Variants in CERT1 observed in about 807,000 individuals in gnomAD.
CERT1 encodes the protein ceramide transfer protein.
A neutral mutation model predicts 87.9 loss-of-function variants in CERT1; 31 were observed. The observed-to-expected ratio is 0.35, with a 90% CI of 0.27 to 0.48. CERT1 has a LOEUF of 0.48. Among genes scored for constraint, CERT1 ranks in the 20% least tolerant of loss-of-function variants. The probability of loss-of-function intolerance (pLI) is 0.99; values close to 1 mark genes in which losing one functional copy is unlikely to be tolerated. For missense variants in CERT1, 487 were observed against 758.0 expected, an observed-to-expected ratio of 0.64 and a Z score of 4.20; for synonymous variants, 289 against 250.9, an observed-to-expected ratio of 1.15 and a Z score of -1.44.
intron 2 of CERT1, among the ~76,000 whole-genome samples, chr5:75,471,003 A>C (rs890502863): frequency 2.0e-5 from 3 of 152,202 alleles, no homozygotes; most frequent in Non-Finnish European, 4.4e-5. Context: ...ACAAAAAGAA[A>C]ATAAAATACT....
At chr5:75,471,687 C>T (rs1765716137) in intron 2 of CERT1, among the ~76,000 whole-genome samples, 2 of 140,762 alleles carry the variant, frequency 1.4e-5, no homozygotes, top group Non-Finnish European at 3.0e-5. Context: ...ACCTGGGAGG[C>T]AGAGGTTGCA....
intron 13 of CERT1, among the ~76,000 whole-genome samples, chr5:75,385,460 C>T (rs1040655137): frequency 2.0e-5 from 3 of 152,140 alleles, no homozygotes; most frequent in South Asian, 2.1e-4. Flanking sequence ...GTGACAAGAG[C>T]GAAACTCTGT....
intron 3 of CERT1, among the ~76,000 whole-genome samples, chr5:75,451,845 A>G (rs1333706280): frequency 1.3e-5 from 2 of 152,202 alleles, no homozygotes; most frequent in African/African-American, 4.8e-5. Context: ...GAAAAAACAC[A>G]GCAAATCAAA....
chr5:75,429,946 A>C (rs1024085510), intron 3 of CERT1, among the ~76,000 whole-genome samples: 6 of 152,132 alleles, frequency 3.9e-5, no homozygotes, highest in African/African-American at 9.7e-5. Context: ...CTGAAGGTAC[A>C]ACAGTAACAA....
chr5:75,417,160 T>A, intron 6 of CERT1, 127 bp from the exon 7 acceptor site: 1 of 668,042 alleles, frequency 1.5e-6, no homozygotes, highest in Non-Finnish European at 2.5e-6. Flanking sequence ...TTTCCTCCTG[T>A]AGGCCAACAT....
chr5:75,474,429 G>A lies in CERT1; in HGVS notation c.232-15248C>T, dbSNP rs530512094. On this transcript the variant is annotated intron_variant, in intron 2 of 16. Coordinates refer to ENST00000643780, the MANE Select transcript of CERT1 (RefSeq NM_001379029.1). ...TACAGTTACAGTTTGGTGAAATAAA[G>A]TTGTAATGAAAATACCTGACAGTAG... Among the ~76,000 whole-genome samples the A allele has an allele frequency of 7.9e-5, 12 of 152,188 alleles. No homozygotes were observed. The East Asian group carries it at 2.1e-3, about 27-fold the overall frequency.
intron 2 of CERT1, among the ~76,000 whole-genome samples, chr5:75,497,467 T>C (rs1767128790): frequency 6.6e-6 from 1 of 152,180 alleles, no homozygotes; most frequent in African/African-American, 2.4e-5. Flanking sequence ...AAGGTACCTT[T>C]GGCTGTAAGC....
chr5:75,416,279 T>C (rs543599318), intron 7 of CERT1, among the ~76,000 whole-genome samples: 3 of 152,342 alleles, frequency 2.0e-5, no homozygotes, highest in African/African-American at 7.2e-5. Context: ...AACATTTTAC[T>C]ATTATTCTAA....
At chr5:75,489,387 A>C (rs1236202976) in intron 2 of CERT1, among the ~76,000 whole-genome samples, 1 of 152,236 alleles carries the variant, frequency 6.6e-6, no homozygotes, top group Non-Finnish European at 1.5e-5. Context: ...AAAAGCCAAA[A>C]TTGACAAATG....
chr5:75,465,866 G>A (rs1337322562), intron 2 of CERT1, among the ~76,000 whole-genome samples: 1 of 152,132 alleles, frequency 6.6e-6, no homozygotes, highest in African/African-American at 2.4e-5. Flanking sequence ...GGGTAGAGAA[G>A]GACAGCGCAA....
chr5:75,410,919 ATATT>A, intron 8 of CERT1, 88 bp downstream of exon 8: 1 of 598,618 alleles, frequency 1.7e-6, no homozygotes, highest in Non-Finnish European at 2.8e-6. Flanking sequence ...TATATTTAGA[ATATT>A]TAAAGGTTAC....
intron 2 of CERT1, among the ~76,000 whole-genome samples, chr5:75,475,385 A>G (rs918737779): frequency 6.6e-6 from 1 of 152,078 alleles, no homozygotes; most frequent in Non-Finnish European, 1.5e-5. Flanking sequence ...TGTTTTCCCA[A>G]TTTTCGTTTT....
At chr5:75,396,022 G>A (rs1284704923) in intron 11 of CERT1, among the ~76,000 whole-genome samples, 1 of 152,126 alleles carries the variant, frequency 6.6e-6, no homozygotes, top group Admixed American at 6.5e-5. Flanking sequence ...TTTCCTAGTA[G>A]ATGTACATAT....
chr5:75,511,043 C>G (rs1767951361), intron 1 of CERT1, 69 bp downstream of exon 1: 1 of 1,456,002 alleles, frequency 6.9e-7, no homozygotes, highest in African/African-American at 1.4e-5. Context: ...CCCCACCCCA[C>G]CGCCTCAGCG....
At chr5:75,388,134 A>G (rs561400414) in intron 12 of CERT1, among the ~76,000 whole-genome samples, 1 of 152,322 alleles carries the variant, frequency 6.6e-6, no homozygotes, top group African/African-American at 2.4e-5. Context: ...TGCCAGGAAC[A>G]TGCTTAATTC....
intron 2 of CERT1, among the ~76,000 whole-genome samples, chr5:75,463,797 G>T (rs371468890): frequency 6.6e-6 from 1 of 152,138 alleles, no homozygotes; most frequent in African/African-American, 2.4e-5. Flanking sequence ...TAAAATCAGG[G>T]GTCTATAGAG....
intron 11 of CERT1, among the ~76,000 whole-genome samples, chr5:75,396,505 T>C (rs1307395715): frequency 1.3e-5 from 2 of 151,948 alleles, no homozygotes; most frequent in African/African-American, 2.4e-5. Context: ...GGCGGGCAGA[T>C]CACCTGAGGT....
intron 14 of CERT1, 41 bp downstream of exon 14, chr5:75,384,601 C>T: frequency 1.4e-6 from 2 of 1,399,440 alleles, no homozygotes; most frequent in Non-Finnish European, 2.0e-6. Flanking sequence ...TGAGTTTGAA[C>T]TACATTGAAA....
intron 11 of CERT1, among the ~76,000 whole-genome samples, chr5:75,398,908 T>C (rs2112076722): frequency 6.6e-6 from 1 of 152,356 alleles, no homozygotes; most frequent in South Asian, 2.1e-4. Flanking sequence ...GAATATAATT[T>C]GGAGATACTT....
Sources: allele counts gnomAD v4.1 joint callset (sites outside exome capture counted in the v4.1 genomes callset), GRCh38; gene constraint gnomAD v4.1.1; transcripts MANE v1.5; gene names NCBI Gene and HGNC (gene_info 2026-07-23, HGNC 2026-07-21).